FCRL2: variants seen among roughly 807,000 people sequenced by gnomAD.
The protein encoded by FCRL2 is Fc receptor-like protein 2.
Under a neutral mutation model 59.8 loss-of-function variants are expected in FCRL2, and 48 were observed. The ratio of observed to expected loss-of-function variants is 0.80; its 90% confidence interval spans 0.64 to 1.02. The LOEUF (loss-of-function observed/expected upper bound fraction) is 1.02. Among genes scored for constraint, FCRL2 ranks in the 50% least tolerant of loss-of-function variants. The pLI, the probability that FCRL2 is intolerant of heterozygous loss-of-function variation, is 0.00. For synonymous variants in FCRL2, 251 were observed against 229.5 expected (o/e 1.09, Z -0.85); for missense variants, 658 against 597.3 (o/e 1.10, Z -1.06).
rs34230382 is a variant in FCRL2, at chr1:157,764,029, C to CAA, written c.1279+2824_1279+2825dup. Among the ~76,000 whole-genome samples the CAA allele has an allele frequency of 1.7e-3, 178 of 103,150 alleles. 8 individuals carry two copies. Among genetic ancestry groups the CAA allele is most frequent in the South Asian group, 2.9e-3 (10 of 3,468 alleles). The allele number at this position is 103,150 out of a possible 152,430, so 67.7% of individuals were successfully genotyped here. A position where few individuals can be genotyped will look rare whatever the true frequency, so the allele number is the denominator to read the frequency against. On this transcript the variant is annotated intron_variant, in intron 7 of 11. Transcript: ENST00000361516. Reference sequence around the variant, plus strand: ...TGGGTGATAGTGCGAGACTTCATCTCAAAAAAAAAAAAAAAAAAGCAAAAA... The same window carrying CAA: ...TGGGTGATAGTGCGAGACTTCATCTCAAAAAAAAAAAAAAAAAAAAGCAAAAA...
Position 157,746,792 on chromosome 1 carries a change from G to A in FCRL2, c.1489-18C>T, listed in dbSNP as rs1647780664. The A allele has an allele frequency of 6.2e-7, 1 of 1,613,858 alleles. No individual in the cohort carries two copies. The highest frequency in any genetic ancestry group is 8.5e-7 in the Non-Finnish European group (1 of 1,179,760). ...TGGGAGTCCTGGGAGAGACACACAG[G>A]AATAAAGACTGAGGTGATCAAGAAA... On this transcript the variant is annotated intron_variant, in intron 11 of 11. Transcript: ENST00000361516.
chr1:157,748,471 A>AATAAATAT lies in FCRL2; in HGVS notation c.1459+81_1459+82insATATTTAT, dbSNP rs1342046958. 4 of 650,096 alleles carry AATAAATAT rather than the reference A, an allele frequency of 6.2e-6. No individual in the cohort carries two copies. In the African/African-American group the frequency reaches 7.6e-5, roughly 12 times the overall value. 40.3% of individuals were successfully genotyped at this position (650,096 alleles called of 1,614,324 possible). A position where few individuals can be genotyped will look rare whatever the true frequency, so the allele number is the denominator to read the frequency against. On this transcript the variant is annotated intron_variant, in intron 10 of 11. Coordinates refer to ENST00000361516, the MANE Select transcript of FCRL2 (RefSeq NM_030764.4). ...AAATAAATAAATAAATAAATAAATA[A>AATAAATAT]ATAAATAAAGCCTCTATTGCAAACA...
In FCRL2 at chr1:157,768,633, G is replaced by C; in HGVS notation, c.664C>G (p.Leu222Val). 1.2e-6 allele frequency: 2 copies of C among 1,614,190 alleles called. No individual in the cohort carries two copies. The highest frequency in any genetic ancestry group is 3.3e-5 in the Admixed American group (2 of 60,028). ...CCAGCCACTGAGCAGAGCAGGATCA[G>C]TTTTTGTCCTTCAGTCACCTGTCCC... ...PGGQVTEGQK[L>V]ILLCSVAGGT... The change falls in exon 5 of 12, where the codon CTG becomes GTG. Residue 222 changes from leucine (L) to valine (V), a missense_variant. Physicochemically the swap from Leu to Val is conservative, Grantham distance 32 (BLOSUM62 1). Transcript: ENST00000361516.
rs1650473169 is a variant in FCRL2, at chr1:157,777,131, C to G, written c.-58G>C. The G allele has an allele frequency of 1.9e-6, 3 of 1,613,454 alleles. No individual in the cohort carries two copies. The Admixed American group carries it at 5.0e-5, about 27-fold the overall frequency. On this transcript the variant is annotated 5_prime_UTR_variant, in exon 1 of 12. Transcript: ENST00000361516. ...TACTCTTGGTCACCAACTGGAGACT[C>G]TGAGCAGGCGATGAAATGTGGTTTT...
chr1:157,768,293 A>C lies in FCRL2; in HGVS notation c.883+121T>G, dbSNP rs567846701. 6.9e-6 allele frequency: 7 copies of C among 1,008,548 alleles called. No individual in the cohort carries two copies. In the East Asian group the frequency reaches 1.7e-4, roughly 24 times the overall value. The allele number at this position is 1,008,548 out of a possible 1,614,324, so 62.5% of individuals were successfully genotyped here. ...AACCTGCAAGCGTAACCCATTTTCAAATTGCTTTTGGTTCTCCACAGCACT... is the reference window on the plus strand; with the variant it reads ...AACCTGCAAGCGTAACCCATTTTCACATTGCTTTTGGTTCTCCACAGCACT... On this transcript the variant is annotated intron_variant, in intron 5 of 11. Coordinates refer to ENST00000361516, the MANE Select transcript of FCRL2 (RefSeq NM_030764.4).
intron 10 of FCRL2, 139 bp from the exon 11 acceptor site, chr1:157,747,038 T>A: frequency 1.1e-6 from 1 of 878,224 alleles, no homozygotes; most frequent in Non-Finnish European, 1.8e-6. Context: ...AATCCTTTCT[T>A]AAAGTTGTTA....
chr1:157,762,960 C>T (rs1206942442), intron 7 of FCRL2, among the ~76,000 whole-genome samples: 4 of 152,140 alleles, frequency 2.6e-5, no homozygotes, highest in South Asian at 2.1e-4. Flanking sequence ...AGCCTGAAAG[C>T]GAAAGGACAA....
chr1:157,760,223 T>C (rs1648913601), intron 7 of FCRL2, among the ~76,000 whole-genome samples: 1 of 152,132 alleles, frequency 6.6e-6, no homozygotes, highest in Admixed American at 6.6e-5. Context: ...CTCACTGATA[T>C]GTGAGAGCTA....
chr1:157,769,838 C>G (rs778308607), intron 4 of FCRL2, 28 bp downstream of exon 4: 2 of 1,592,210 alleles, frequency 1.3e-6, no homozygotes, highest in Non-Finnish European at 1.7e-6. Flanking sequence ...ATCTTTTTTT[C>G]TCCAGGCTCA....
intron 3 of FCRL2, 80 bp downstream of exon 3, chr1:157,770,329 G>T: frequency 6.6e-7 from 1 of 1,521,712 alleles, no homozygotes; most frequent in Non-Finnish European, 8.9e-7. Flanking sequence ...CCCATGAGCA[G>T]CTTTCCCCTA....
chr1:157,748,564 G>A lies in FCRL2; in HGVS notation c.1448C>T (p.Pro483Leu), dbSNP rs1557851453. Residue 483 changes from proline (P) to leucine (L), a missense_variant, in exon 10 of 12, where the codon CCA becomes CTA. Physicochemically the swap from Pro to Leu is moderately conservative, Grantham distance 98. Coordinates refer to ENST00000361516, the MANE Select transcript of FCRL2 (RefSeq NM_030764.4). ...VYSQVWSMQQ[P>L]ESSANIRTLL... The stretch of plus-strand genomic sequence containing the variant: ...TTGCAGTTTCTCACCTGAGCTTTCT[G>A]GCTGCTGCATGCTCCAGACCTGAGA... 1 of 1,613,710 alleles carries A rather than the reference G, an allele frequency of 6.2e-7. No homozygotes were observed. Among genetic ancestry groups the A allele is most frequent in the Non-Finnish European group, 8.5e-7 (1 of 1,179,716 alleles).
At chr1:157,749,941 A>G (rs1004964534) in intron 7 of FCRL2, among the ~76,000 whole-genome samples, 1 of 152,048 alleles carries the variant, frequency 6.6e-6, no homozygotes, top group African/African-American at 2.4e-5. Context: ...TTTATTTTCT[A>G]TTCTGTTCTA....
chr1:157,765,882 C>CATT (rs1649452038), intron 7 of FCRL2, among the ~76,000 whole-genome samples: 1 of 152,192 alleles, frequency 6.6e-6, no homozygotes, highest in Non-Finnish European at 1.5e-5. Flanking sequence ...ATTGCAGCTT[C>CATT]ATTATCACAC....
chr1:157,765,650 GAC>G (rs891145578), intron 7 of FCRL2, among the ~76,000 whole-genome samples: 7 of 152,206 alleles, frequency 4.6e-5, no homozygotes, highest in African/African-American at 1.7e-4. Flanking sequence ...TTGTGCTTTT[GAC>G]AGTGTTGTGG....
chr1:157,747,402 T>A (rs779912043), intron 10 of FCRL2, among the ~76,000 whole-genome samples: 1 of 152,206 alleles, frequency 6.6e-6, no homozygotes, highest in Non-Finnish European at 1.5e-5. Context: ...TGGGATGACA[T>A]CCCTTTCCTT....
intron 4 of FCRL2, chr1:157,769,604 T>A (rs1439188661): frequency 3.5e-6 from 1 of 285,694 alleles, no homozygotes; most frequent in Non-Finnish European, 6.8e-6. Context: ...ATTTTTTGTA[T>A]TTTTAGTAGA....
chr1:157,767,562 C>T lies in FCRL2; in HGVS notation c.884-53G>A, dbSNP rs1404062489. On this transcript the variant is annotated intron_variant, in intron 5 of 11. Transcript: ENST00000361516. ...AAGATTTGTGATGCCTCAATAGATT[C>T]ACAAACTCCCAACCTGCAGGCTCAG... 4.3e-6 allele frequency: 7 copies of T among 1,614,138 alleles called. No individual in the cohort carries two copies. The Admixed American group carries it at 1.0e-4, about 23-fold the overall frequency.
At position 157,748,617 on chromosome 1, in the gene FCRL2, C is replaced by T. The variant is rs1191780335; in HGVS notation, c.1395G>A (p.Val465=). 6.2e-7 allele frequency: 1 copy of T among 1,613,830 alleles called. No individual in the cohort carries two copies. Among genetic ancestry groups the T allele is most frequent in the East Asian group, 2.2e-5 (1 of 44,884 alleles). Residue 465 remains valine, a splice_region_variant and synonymous_variant, in exon 10 of 12, where the codon GTG becomes GTA. Coordinates refer to ENST00000361516, the MANE Select transcript of FCRL2 (RefSeq NM_030764.4). Reference sequence around the variant, plus strand: ...AAACCACATCCACATCTACAGAGCCCACTGCAGGGAGAAGACAAGAGTTCA... The same window carrying T: ...AAACCACATCCACATCTACAGAGCCTACTGCAGGGAGAAGACAAGAGTTCA... ...MEELQPVYVN[V]GSVDVDVVYS...
rs1429960660 is a variant in FCRL2, at chr1:157,748,859, CA to C, written c.1393+15del. ...TCTGACTCAGCCTCAGAGCCCTTCC[CA>C]GTGGAGACACTCACCATTGACATAC... On this transcript the variant is annotated intron_variant, in intron 9 of 11. Transcript: ENST00000361516. 4.3e-6 allele frequency: 7 copies of C among 1,610,962 alleles called. No homozygotes were observed. Among genetic ancestry groups the C allele is most frequent in the African/African-American group, 2.7e-5 (2 of 74,858 alleles).
Sources: gnomAD v4.1 joint callset for allele counts (sites outside exome capture counted in the v4.1 genomes callset) on GRCh38, gnomAD v4.1.1 for gene constraint, MANE v1.5 for transcripts, NCBI Gene and HGNC (gene_info 2026-07-23, HGNC 2026-07-21) for gene names.